The following MBNL2 variants were observed in gnomAD, a reference collection of about 807,000 sequenced individuals.
MBNL2 encodes the protein muscleblind like splicing regulator 2.
MBNL2 carries 17 observed loss-of-function variants against 41.9 expected under a neutral mutation model. The ratio of observed to expected loss-of-function variants is 0.41; its 90% CI spans 0.28 to 0.61. The LOEUF (loss-of-function observed/expected upper bound fraction) is 0.61. MBNL2 is among the 20% of genes least tolerant of loss of function. The pLI is 0.35. For missense variants in MBNL2, 336 were observed against 505.6 expected (o/e 0.66, Z 3.22); for synonymous variants, 195 against 182.9 (o/e 1.07, Z -0.53).
chr13:97,320,305 G>A (rs1488240733), intron 2 of MBNL2, among the ~76,000 whole-genome samples: 1 of 150,562 alleles, frequency 6.6e-6, no homozygotes, highest in Non-Finnish European at 1.5e-5. Context: ...TGTCACCCAG[G>A]CTGCAGTGCA....
intron 3 of MBNL2, among the ~76,000 whole-genome samples, chr13:97,341,395 A>G (rs571791472): frequency 1.7e-4 from 26 of 152,348 alleles, no homozygotes; most frequent in African/African-American, 5.8e-4. Context: ...AACCATTTAA[A>G]TCACTTGGCT....
intron 8 of MBNL2, among the ~76,000 whole-genome samples, chr13:97,384,295 T>C (rs2065749440): frequency 6.6e-6 from 1 of 152,224 alleles, no homozygotes; most frequent in South Asian, 2.1e-4. Context: ...TTTAATTACT[T>C]TTTTATCTGA....
the MBNL2 span, among the ~76,000 whole-genome samples, chr13:97,213,530 A>G: frequency 6.6e-6 from 1 of 152,178 alleles, no homozygotes; most frequent in Non-Finnish European, 1.5e-5. Flanking sequence ...TTAATGAGTG[A>G]TTTCAACGGT....
At chr13:97,248,095 TATATACGTATGTGTGTGTATACACACAC>T (rs1362593648) in intron 1 of MBNL2, among the ~76,000 whole-genome samples, 2 of 152,246 alleles carry the variant, frequency 1.3e-5, no homozygotes, top group Admixed American at 6.5e-5. Flanking sequence ...CTTTTCATTA[TATATACGTATGTGTGTGTATACACACAC>T]ATATACACAC....
chr13:97,214,719 C>A, the MBNL2 span, among the ~76,000 whole-genome samples: 7 of 152,196 alleles, frequency 4.6e-5, no homozygotes, highest in Non-Finnish European at 1.0e-4. Flanking sequence ...AGAAACACCA[C>A]TTTCATAGAA....
At chr13:97,266,544 G>A (rs1299615350) in intron 1 of MBNL2, among the ~76,000 whole-genome samples, 2 of 152,164 alleles carry the variant, frequency 1.3e-5, no homozygotes, top group Admixed American at 1.3e-4. Flanking sequence ...TCCTTCAGCT[G>A]GCAGCTCCTC....
the MBNL2 span, among the ~76,000 whole-genome samples, chr13:97,146,748 T>TA: frequency 6.6e-6 from 1 of 152,130 alleles, no homozygotes; most frequent in Non-Finnish European, 1.5e-5. Context: ...ATGCTCAGGA[T>TA]GTGTTGTTCC....
At chr13:97,198,258 C>G in the MBNL2 span, among the ~76,000 whole-genome samples, 1 of 151,946 alleles carries the variant, frequency 6.6e-6, no homozygotes, top group Non-Finnish European at 1.5e-5. Context: ...AATTCTCCTG[C>G]CTGATGGCCT....
chr13:97,307,322 CTG>C (rs1189019767), intron 2 of MBNL2, among the ~76,000 whole-genome samples: 1 of 151,844 alleles, frequency 6.6e-6, no homozygotes, highest in Non-Finnish European at 1.5e-5. Context: ...GATTTTTCCA[CTG>C]TGTGTGCCAA....
intron 8 of MBNL2, among the ~76,000 whole-genome samples, chr13:97,377,301 G>A (rs2065049958): frequency 6.6e-6 from 1 of 152,186 alleles, no homozygotes; most frequent in Non-Finnish European, 1.5e-5. Context: ...TTCCAATGAG[G>A]AAAAGGACCT....
At chr13:97,356,930 G>T in intron 6 of MBNL2, 81 bp downstream of exon 6, 1 of 829,642 alleles carries the variant, frequency 1.2e-6, no homozygotes. Flanking sequence ...TAAAATACTG[G>T]TTGCAAACAA....
the MBNL2 span, among the ~76,000 whole-genome samples, chr13:97,213,975 G>T: frequency 6.6e-6 from 1 of 152,156 alleles, no homozygotes; most frequent in Admixed American, 6.5e-5. Flanking sequence ...TCTTCATCAG[G>T]CAGCAGGCTC....
chr13:97,224,074 C>T (rs1008302447), intron 1 of MBNL2, among the ~76,000 whole-genome samples: 16 of 152,226 alleles, frequency 1.1e-4, no homozygotes, highest in African/African-American at 3.4e-4. Context: ...CATGTCGGGC[C>T]GGTCAGCACA....
rs2066403676 is a variant in MBNL2 at position 97,392,177 on chromosome 13, T to C, written c.*728T>C. On this transcript the variant is annotated 3_prime_UTR_variant, in exon 9 of 9. Transcript: ENST00000679496. ...CAGACTTCATCCAGCTTGACAAGAT[T>C]GAGAGGCCCATGCCAACAGTCTAAT... The C allele has an allele frequency of 6.6e-6, 1 of 152,626 alleles. No individual in the cohort carries two copies. The highest frequency in any genetic ancestry group is 2.4e-5 in the African/African-American group (1 of 41,456). The allele number at this position is 152,626 out of a possible 1,614,324, so 9.5% of individuals were successfully genotyped here. A position where few individuals can be genotyped will look rare whatever the true frequency, so the allele number is the denominator to read the frequency against.
At chr13:97,270,071 C>A (rs2050643373) in intron 1 of MBNL2, among the ~76,000 whole-genome samples, 1 of 152,102 alleles carries the variant, frequency 6.6e-6, no homozygotes, top group South Asian at 2.1e-4. Flanking sequence ...AATTGACTTG[C>A]CCAAGGTTAT....
chr13:97,174,499 G>A, the MBNL2 span, among the ~76,000 whole-genome samples: 1 of 152,238 alleles, frequency 6.6e-6, no homozygotes, highest in South Asian at 2.1e-4. Context: ...AAAGAGGATG[G>A]ATAAGTGGTG....
chr13:97,180,204 G>A, the MBNL2 span, among the ~76,000 whole-genome samples: 1 of 152,162 alleles, frequency 6.6e-6, no homozygotes, highest in African/African-American at 2.4e-5. Context: ...CAGCATCAAA[G>A]ATGACCTCCA....
the MBNL2 span, among the ~76,000 whole-genome samples, chr13:97,203,118 A>G: frequency 2.6e-5 from 4 of 152,178 alleles, no homozygotes; most frequent in Admixed American, 2.6e-4. Flanking sequence ...GGAAAGCTGT[A>G]GGGAAGTATG....
intron 1 of MBNL2, among the ~76,000 whole-genome samples, chr13:97,233,548 A>G (rs1461804217): frequency 1.3e-5 from 2 of 151,830 alleles, no homozygotes; most frequent in Non-Finnish European, 2.9e-5. Context: ...TAGCTGGTGG[A>G]AGGAACTATT....
Sources: gnomAD v4.1 joint callset for allele counts (sites outside exome capture counted in the v4.1 genomes callset) on GRCh38, gnomAD v4.1.1 for gene constraint, MANE v1.5 for transcripts, NCBI Gene and HGNC (gene_info 2026-07-23, HGNC 2026-07-21) for gene names.